The following SLC35F4 variants were observed in gnomAD, a reference collection of about 807,000 sequenced individuals.
SLC35F4 encodes chromosome 14 open reading frame 36.
In SLC35F4, 24 loss-of-function variants were observed where a neutral mutation model predicts 44.2. The observed-to-expected ratio is 0.54, with a 90% CI of 0.39 to 0.76. The LOEUF is 0.76. Among genes scored for constraint, SLC35F4 ranks in the 30% least tolerant of loss-of-function variants. SLC35F4 has a pLI of 0.00. For synonymous variants in SLC35F4, 238 were observed against 223.6 expected, an observed-to-expected ratio of 1.06 and a Z score of -0.57; for missense variants, 562 against 586.1, an observed-to-expected ratio of 0.96 and a Z score of 0.42.
chr14:57,865,629 C>T (rs1424421858), intron 1 of SLC35F4, 94 bp downstream of exon 1: 6 of 1,041,900 alleles, frequency 5.8e-6, no homozygotes, highest in Non-Finnish European at 8.0e-6. Context: ...TGCAGGTGTC[C>T]GTACCGCGCG....
At chr14:57,889,137 C>A (rs1457174740) in intron 1 of SLC35F4, among the ~76,000 whole-genome samples, 1 of 152,150 alleles carries the variant, frequency 6.6e-6, no homozygotes, top group Non-Finnish European at 1.5e-5. Flanking sequence ...ATTTAGCAAC[C>A]AGTTTTAGAG....
At chr14:57,719,620 G>A (rs939733182) in intron 1 of SLC35F4, among the ~76,000 whole-genome samples, 7 of 149,400 alleles carry the variant, frequency 4.7e-5, no homozygotes, top group African/African-American at 1.5e-4. Flanking sequence ...ATTGTTGACT[G>A]TTGGCATAAA....
At chr14:57,972,989 A>C (rs1436275971), downstream of SLC35F4, among the ~76,000 whole-genome samples, 1 of 152,208 alleles carries the variant, frequency 6.6e-6, no homozygotes, top group Non-Finnish European at 1.5e-5. Context: ...ATGTCATTTA[A>C]TCTTTACAAC....
chr14:57,827,568 C>A (rs1883921608), intron 1 of SLC35F4, among the ~76,000 whole-genome samples: 1 of 151,820 alleles, frequency 6.6e-6, no homozygotes, highest in Non-Finnish European at 1.5e-5. Context: ...AATTTATTTT[C>A]TATTCTCATT....
At chr14:57,886,088 G>C (rs1349021197) in intron 1 of SLC35F4, among the ~76,000 whole-genome samples, 1 of 152,128 alleles carries the variant, frequency 6.6e-6, no homozygotes, top group Non-Finnish European at 1.5e-5. Flanking sequence ...CATGCTTACT[G>C]TGTGCTGGGC....
At chr14:57,906,799 G>T (rs938649436) in intron 1 of SLC35F4, among the ~76,000 whole-genome samples, 2 of 152,156 alleles carry the variant, frequency 1.3e-5, no homozygotes, top group African/African-American at 4.8e-5. Context: ...TTTGGAAAGG[G>T]TCATTACATT....
intron 1 of SLC35F4, among the ~76,000 whole-genome samples, chr14:57,794,890 T>C (rs1016164431): frequency 2.0e-5 from 3 of 152,042 alleles, no homozygotes; most frequent in Non-Finnish European, 4.4e-5. Context: ...TATGTACTGG[T>C]TTTGGAGATT....
At chr14:57,964,987 AAAAAAT>A (rs1268617495) in intron 1 of SLC35F4, among the ~76,000 whole-genome samples, 41 of 131,422 alleles carry the variant, frequency 3.1e-4, no homozygotes, top group African/African-American at 1.1e-3. Context: ...AAAAAAAAAA[AAAAAAT>A]ATATATATAT....
intron 3 of SLC35F4, 112 bp downstream of exon 3, chr14:57,589,104 G>A (rs919958719): frequency 2.8e-5 from 33 of 1,182,470 alleles, no homozygotes; most frequent in South Asian, 4.6e-5. Context: ...CTTAGATCTT[G>A]TTTCTTCACA....
chr14:57,662,221 A>G (rs1234354213), intron 1 of SLC35F4, among the ~76,000 whole-genome samples: 4 of 152,148 alleles, frequency 2.6e-5, no homozygotes, highest in Non-Finnish European at 5.9e-5. Context: ...GAAGTTATAC[A>G]TTACTAATTA....
chr14:57,732,946 A>C (rs1460678033), intron 1 of SLC35F4, among the ~76,000 whole-genome samples: 2 of 152,128 alleles, frequency 1.3e-5, no homozygotes, highest in Non-Finnish European at 2.9e-5. Context: ...AAAAGTGCTA[A>C]AGTTTTTGAA....
intron 1 of SLC35F4, among the ~76,000 whole-genome samples, chr14:57,712,716 C>T (rs1477184309): frequency 6.6e-6 from 1 of 152,176 alleles, no homozygotes; most frequent in Non-Finnish European, 1.5e-5. Context: ...TTTGAATTTA[C>T]ATAACATTTG....
At chr14:57,573,482 C>A (rs1481871225) in intron 4 of SLC35F4, among the ~76,000 whole-genome samples, 1 of 152,032 alleles carries the variant, frequency 6.6e-6, no homozygotes, top group African/African-American at 2.4e-5. Flanking sequence ...TGGCCTTAAA[C>A]TATAAGGAAT....
intron 1 of SLC35F4, among the ~76,000 whole-genome samples, chr14:57,771,508 AC>A (rs1384947748): frequency 6.6e-6 from 1 of 152,228 alleles, no homozygotes; most frequent in East Asian, 1.9e-4. Flanking sequence ...TTGGCTCTAT[AC>A]ACATAGAATC....
intron 1 of SLC35F4, among the ~76,000 whole-genome samples, chr14:57,613,104 C>T (rs568754687): frequency 7.2e-5 from 11 of 152,288 alleles, no homozygotes; most frequent in African/African-American, 2.4e-4. Flanking sequence ...TTTGGAGTCC[C>T]TGCTTCTCTG....
At chr14:57,933,074 T>G (rs982296280) in intron 1 of SLC35F4, among the ~76,000 whole-genome samples, 8 of 151,452 alleles carry the variant, frequency 5.3e-5, no homozygotes, top group African/African-American at 1.9e-4. Flanking sequence ...CTTGCTCTGT[T>G]GCCCAAGCGC....
intron 1 of SLC35F4, among the ~76,000 whole-genome samples, chr14:57,939,203 G>A (rs141802828): frequency 2.6e-5 from 4 of 152,222 alleles, no homozygotes; most frequent in South Asian, 2.1e-4. Flanking sequence ...TTCCACAATA[G>A]CTGAGATTCT....
chr14:57,786,651 AC>A (rs2077769309), intron 1 of SLC35F4, among the ~76,000 whole-genome samples: 1 of 152,172 alleles, frequency 6.6e-6, no homozygotes, highest in African/African-American at 2.4e-5. Flanking sequence ...GAGTGGCTAG[AC>A]CCAGAAGAGA....
At chr14:57,827,141 A>T (rs1041748735) in intron 1 of SLC35F4, among the ~76,000 whole-genome samples, 1 of 152,226 alleles carries the variant, frequency 6.6e-6, no homozygotes, top group Non-Finnish European at 1.5e-5. Context: ...GGATAAAGAA[A>T]ATGTGGTATA....
Sources: allele counts gnomAD v4.1 joint callset (sites outside exome capture counted in the v4.1 genomes callset), GRCh38; gene constraint gnomAD v4.1.1; transcripts MANE v1.5; gene names NCBI Gene and HGNC (gene_info 2026-07-23, HGNC 2026-07-21).